PARD3B: variants seen among roughly 807,000 people sequenced by gnomAD.
PARD3B encodes par-3 family cell polarity regulator beta, also known as partitioning defective 3 homolog B.
PARD3B carries 103 observed loss-of-function variants against 130.2 expected under a neutral mutation model. That is an observed-to-expected ratio of 0.79 (90% confidence interval 0.67 to 0.93). The LOEUF is 0.93. Ranked by LOEUF, PARD3B falls within the 40% of genes least tolerant of loss-of-function variation. PARD3B has a pLI of 0.00. For synonymous variants in PARD3B, 583 were observed against 553.2 expected, an observed-to-expected ratio of 1.05 and a Z score of -0.76; for missense variants, 1,609 against 1,499.2, an observed-to-expected ratio of 1.07 and a Z score of -1.21.
intron 14 of PARD3B, among the ~76,000 whole-genome samples, chr2:205,192,900 G>A (rs796349333): frequency 3.3e-5 from 5 of 152,250 alleles, no homozygotes; most frequent in African/African-American, 1.2e-4. Context: ...GTGTTTTCCA[G>A]GCCCTCTTTA....
At chr2:205,556,676 G>T (rs1575351131) in intron 22 of PARD3B, among the ~76,000 whole-genome samples, 1 of 152,132 alleles carries the variant, frequency 6.6e-6, no homozygotes, top group Admixed American at 6.5e-5. Context: ...GAGTGTGGTT[G>T]TAATACAACC....
rs185360430 is a variant in PARD3B, at chr2:205,036,400, C to T, written c.395-11181C>T. Among the ~76,000 whole-genome samples, 253 of 140,070 alleles carry T rather than the reference C, an allele frequency of 1.8e-3. 2 individuals carry two copies. The highest frequency in any genetic ancestry group is 6.1e-3 in the African/African-American group (232 of 38,288). The allele number at this position is 140,070 out of a possible 152,430, so 91.9% of individuals were successfully genotyped here. A position where few individuals can be genotyped will look rare whatever the true frequency, so the allele number is the denominator to read the frequency against. ...TATAGCAGACTATATAAAAAATATA[C>T]GTATATAGCAGACTATATATAAAAA... is the stretch of plus-strand genomic sequence containing the variant. On this transcript the variant is annotated intron_variant, in intron 3 of 22. Coordinates refer to ENST00000406610, the MANE Select transcript of PARD3B (RefSeq NM_001302769.2).
rs531898165 is a variant in PARD3B at position 205,110,733 on chromosome 2, C to A, written c.594-2758C>A. Among the ~76,000 whole-genome samples the A allele has an allele frequency of 1.7e-4, 26 of 150,850 alleles. No individual in the cohort carries two copies. In the East Asian group the frequency reaches 3.5e-3, roughly 21 times the overall value. On this transcript the variant is annotated intron_variant, in intron 5 of 22. Transcript: ENST00000406610. ...TTCTGTATTTTCCATTTTAAACCAACCTTCTAGCTTATTTTCTGGCTACTA... is the reference window on the plus strand; with the variant it reads ...TTCTGTATTTTCCATTTTAAACCAAACTTCTAGCTTATTTTCTGGCTACTA...
Position 205,618,926 on chromosome 2 carries a change from T to C in PARD3B, c.*3113T>C, listed in dbSNP as rs1330410260. The C allele has an allele frequency of 6.6e-6, 1 of 152,038 alleles. No homozygotes were observed. The highest frequency in any genetic ancestry group is 2.4e-5 in the African/African-American group (1 of 41,402). The allele number at this position is 152,038 out of a possible 1,614,324, so 9.4% of individuals were successfully genotyped here. ...TCATAACCTAATAGCAAACAAAAAT[T>C]GAAAAAACAATTATTCTGAAGCTCA... On this transcript the variant is annotated 3_prime_UTR_variant, in exon 23 of 23. Coordinates refer to ENST00000406610, the MANE Select transcript of PARD3B (RefSeq NM_001302769.2).
intron 2 of PARD3B, among the ~76,000 whole-genome samples, chr2:204,903,527 T>TAAA (rs2046941602): frequency 1.3e-5 from 2 of 152,210 alleles, no homozygotes; most frequent in East Asian, 3.8e-4. Flanking sequence ...TATTGATAAC[T>TAAA]TCTTGATATT....
chr2:205,178,269 TA>T (rs58828156), intron 13 of PARD3B, among the ~76,000 whole-genome samples: 1,856 of 126,918 alleles, frequency 0.015, 44 homozygotes, highest in African/African-American at 0.051. Context: ...AGTATACAGA[TA>T]AAAAAAAAAT....
chr2:205,040,815 GTTT>G (rs146969118), intron 3 of PARD3B, among the ~76,000 whole-genome samples: 3 of 148,750 alleles, frequency 2.0e-5, no homozygotes, highest in Non-Finnish European at 3.0e-5. Flanking sequence ...AGGAGAGTGT[GTTT>G]TTTTTTTCTT....
intron 2 of PARD3B, among the ~76,000 whole-genome samples, chr2:204,692,059 G>C (rs530509080): frequency 6.6e-6 from 1 of 152,214 alleles, no homozygotes; most frequent in South Asian, 2.1e-4. Context: ...CTAAAGCCAG[G>C]CTCTTTATTC....
At chr2:204,800,743 T>G (rs965965437) in intron 2 of PARD3B, among the ~76,000 whole-genome samples, 1 of 152,216 alleles carries the variant, frequency 6.6e-6, no homozygotes, top group Non-Finnish European at 1.5e-5. Context: ...ATTTTGGCTT[T>G]TGTTGCCATT....
chr2:204,789,033 T>G (rs1230965953), intron 2 of PARD3B, among the ~76,000 whole-genome samples: 2 of 152,168 alleles, frequency 1.3e-5, no homozygotes, highest in Non-Finnish European at 2.9e-5. Flanking sequence ...GTTCTATTAT[T>G]AAATGGAATA....
At chr2:204,581,420 G>C (rs2032547794) in intron 1 of PARD3B, among the ~76,000 whole-genome samples, 1 of 151,896 alleles carries the variant, frequency 6.6e-6, no homozygotes, top group African/African-American at 2.4e-5. Flanking sequence ...TAATTACTCT[G>C]TAACTAAAAA....
At position 205,515,715 on chromosome 2, in the gene PARD3B, G is replaced by T. The variant is rs938824512; in HGVS notation, c.3180+15684G>T. ...ATATTAAACATTTGTCAGATGCATA[G>T]TTTGCAAATATTTTCTCCCATTCTG... On this transcript the variant is annotated intron_variant, in intron 21 of 22. Coordinates refer to ENST00000406610, the MANE Select transcript of PARD3B (RefSeq NM_001302769.2). 3.9e-5 allele frequency among the ~76,000 whole-genome samples: 6 copies of T among 152,164 alleles called. No homozygotes were observed. In the East Asian group the frequency reaches 1.2e-3, roughly 29 times the overall value.
At chr2:205,383,818 G>A (rs770527685) in intron 18 of PARD3B, among the ~76,000 whole-genome samples, 3 of 151,964 alleles carry the variant, frequency 2.0e-5, no homozygotes, top group Admixed American at 6.6e-5. Context: ...TAGCCTTTTG[G>A]ATCTGGCTTC....
intron 18 of PARD3B, among the ~76,000 whole-genome samples, chr2:205,337,263 T>A (rs1216301116): frequency 6.6e-6 from 1 of 152,214 alleles, no homozygotes; most frequent in Non-Finnish European, 1.5e-5. Flanking sequence ...AGCTAATAAG[T>A]AATAATAATT....
At chr2:204,754,529 TA>T (rs2040588616) in intron 2 of PARD3B, among the ~76,000 whole-genome samples, 1 of 152,134 alleles carries the variant, frequency 6.6e-6, no homozygotes, top group Non-Finnish European at 1.5e-5. Context: ...TGGAAATCAA[TA>T]AATTATTAAA....
chr2:205,278,486 T>A (rs925766450), intron 16 of PARD3B, among the ~76,000 whole-genome samples: 3 of 151,914 alleles, frequency 2.0e-5, no homozygotes, highest in Non-Finnish European at 2.9e-5. Context: ...AGGAGAAAAT[T>A]AGGGAATTTT....
intron 16 of PARD3B, among the ~76,000 whole-genome samples, chr2:205,251,181 C>T (rs1257845191): frequency 6.6e-6 from 1 of 152,120 alleles, no homozygotes; most frequent in African/African-American, 2.4e-5. Flanking sequence ...AATTTATCTA[C>T]CAAACTACTG....
rs568704069 is a variant in PARD3B at position 205,442,590 on chromosome 2, C to T, written c.3044+1918C>T. 9.9e-5 allele frequency among the ~76,000 whole-genome samples: 15 copies of T among 152,178 alleles called. No homozygotes were observed. The South Asian group carries it at 1.5e-3, about 15-fold the overall frequency. On this transcript the variant is annotated intron_variant, in intron 20 of 22. Coordinates refer to ENST00000406610, the MANE Select transcript of PARD3B (RefSeq NM_001302769.2). ...TGCTGGGATTTGAGGCATAAGCCGC[C>T]GGGCCTGGGAAGAACGGGTTTTCTT...
intron 3 of PARD3B, among the ~76,000 whole-genome samples, chr2:205,014,474 G>A (rs531256276): frequency 6.6e-6 from 1 of 152,190 alleles, no homozygotes; most frequent in Non-Finnish European, 1.5e-5. Context: ...ATGCCCCAGT[G>A]TGTGTGCCGA....
Sources: allele counts gnomAD v4.1 joint callset (sites outside exome capture counted in the v4.1 genomes callset), GRCh38; gene constraint gnomAD v4.1.1; transcripts MANE v1.5; gene names NCBI Gene and HGNC (gene_info 2026-07-23, HGNC 2026-07-21).